Variants in ATP2B2 observed in about 807,000 individuals in gnomAD.
ATP2B2 encodes the protein ATPase plasma membrane Ca2+ transporting 2.
A neutral mutation model predicts 120.0 loss-of-function variants in ATP2B2; 15 were observed. The observed-to-expected ratio is 0.12, with a 90% CI of 0.08 to 0.19. The LOEUF is 0.19. ATP2B2 is among the 10% of genes least tolerant of loss of function. The pLI, the probability that ATP2B2 is intolerant of heterozygous loss-of-function variation, is 1.00. For synonymous variants in ATP2B2, 694 were observed against 700.3 expected, an observed-to-expected ratio of 0.99 and a Z score of 0.14; for missense variants, 1,045 against 1,719.8, an observed-to-expected ratio of 0.61 and a Z score of 6.94.
chr3:10,552,138 A>AC (rs2067682841), intron 2 of ATP2B2, among the ~76,000 whole-genome samples: 2 of 152,122 alleles, frequency 1.3e-5, no homozygotes, highest in South Asian at 4.2e-4. Context: ...GAGAGGGAAC[A>AC]CCCTTCCCAC....
chr3:10,440,546 A>G (rs1575231127), intron 2 of ATP2B2, among the ~76,000 whole-genome samples: 1 of 152,134 alleles, frequency 6.6e-6, no homozygotes, highest in Non-Finnish European at 1.5e-5. Context: ...TTCCCTGTAC[A>G]CATCCTGGTT....
chr3:10,570,666 G>A (rs1048939809), intron 2 of ATP2B2, among the ~76,000 whole-genome samples: 11 of 152,214 alleles, frequency 7.2e-5, no homozygotes, highest in African/African-American at 2.7e-4. Context: ...TCTTGGTGGA[G>A]AGAGTTACAT....
In ATP2B2 at chr3:10,385,296, T is replaced by TGCAGCATTTGAAGCTGCC; in HGVS notation, c.954_971dup (p.Ala319_Ala324dup). 1 of 1,613,970 alleles carries TGCAGCATTTGAAGCTGCC rather than the reference T, an allele frequency of 6.2e-7. No individual in the cohort carries two copies. Among genetic ancestry groups the TGCAGCATTTGAAGCTGCC allele is most frequent in the South Asian group, 1.1e-5 (1 of 91,064 alleles). ...TGACTAGGCTGGCATTCGCACTATCTGCAGCATTTGAAGCTGCCGCACCGT... is the reference window on the plus strand; with the variant it reads ...TGACTAGGCTGGCATTCGCACTATCTGCAGCATTTGAAGCTGCCGCAGCATTTGAAGCTGCCGCACCGT... On this transcript the variant is annotated inframe_insertion, in exon 8 of 23. Transcript: ENST00000360273.
intron 2 of ATP2B2, among the ~76,000 whole-genome samples, chr3:10,615,933 G>T (rs1303758553): frequency 1.3e-5 from 2 of 152,076 alleles, no homozygotes; most frequent in Non-Finnish European, 2.9e-5. Flanking sequence ...TGGTTGTACT[G>T]TTGCTTCTGG....
chr3:10,548,677 C>G (rs1188735518), intron 2 of ATP2B2, among the ~76,000 whole-genome samples: 1 of 152,198 alleles, frequency 6.6e-6, no homozygotes, highest in Non-Finnish European at 1.5e-5. Context: ...GTCTCACTTC[C>G]CTACTCCCCT....
intron 1 of ATP2B2, among the ~76,000 whole-genome samples, chr3:10,646,891 G>A (rs142763264): frequency 6.6e-6 from 1 of 152,314 alleles, no homozygotes; most frequent in Non-Finnish European, 1.5e-5. Context: ...CAGAATTCAG[G>A]TTGAGGAGAC....
chr3:10,448,544 G>T (rs2063919140), intron 2 of ATP2B2, among the ~76,000 whole-genome samples: 1 of 152,092 alleles, frequency 6.6e-6, no homozygotes, highest in Non-Finnish European at 1.5e-5. Flanking sequence ...ACCCAGCTTT[G>T]GTCCCTTCCA....
In ATP2B2 at chr3:10,328,706, G is replaced by A; in HGVS notation, c.*108C>T. The A allele has an allele frequency of 8.4e-7, 1 of 1,190,078 alleles. No individual in the cohort carries two copies. Among genetic ancestry groups the A allele is most frequent in the Non-Finnish European group, 1.2e-6 (1 of 859,072 alleles). 73.7% of individuals were successfully genotyped at this position (1,190,078 alleles called of 1,614,324 possible). A position where few individuals can be genotyped will look rare whatever the true frequency, so the allele number is the denominator to read the frequency against. On this transcript the variant is annotated 3_prime_UTR_variant, in exon 23 of 23. Transcript: ENST00000360273. ...TCTCTCCAGTATTTGGTTTCCGATT[G>A]TTGCTCGTTGCTGCTTGGGTGAGTT...
chr3:10,415,079 CAAG>C (rs1441217696), intron 2 of ATP2B2, among the ~76,000 whole-genome samples: 1 of 152,174 alleles, frequency 6.6e-6, no homozygotes, highest in East Asian at 1.9e-4. Flanking sequence ...AACCAAGCCC[CAAG>C]AACACAGGTG....
chr3:10,482,963 G>A (rs2065473409), intron 1 of ATP2B2, among the ~76,000 whole-genome samples: 1 of 152,226 alleles, frequency 6.6e-6, no homozygotes, highest in African/African-American at 2.4e-5. Context: ...AACCCGTGCA[G>A]CAGGCACTGT....
intron 2 of ATP2B2, among the ~76,000 whole-genome samples, chr3:10,421,428 G>A (rs1002584007): frequency 1.3e-5 from 2 of 152,214 alleles, no homozygotes; most frequent in African/African-American, 4.8e-5. Flanking sequence ...GGTCATGAGT[G>A]CTGTGGCTGA....
intron 1 of ATP2B2, among the ~76,000 whole-genome samples, chr3:10,644,661 T>C (rs1315920412): frequency 6.6e-6 from 1 of 152,246 alleles, no homozygotes; most frequent in African/African-American, 2.4e-5. Flanking sequence ...GCATATTCCA[T>C]GATTCTATTT....
chr3:10,525,261 G>A (rs914799366), intron 3 of ATP2B2, among the ~76,000 whole-genome samples: 27 of 152,226 alleles, frequency 1.8e-4, no homozygotes, highest in African/African-American at 6.5e-4. Flanking sequence ...GCACCGACCA[G>A]CCTTTTGGTT....
chr3:10,565,151 A>G (rs1032019960), intron 2 of ATP2B2, among the ~76,000 whole-genome samples: 3 of 152,204 alleles, frequency 2.0e-5, no homozygotes, highest in Admixed American at 2.0e-4. Flanking sequence ...ACAGAATGCA[A>G]GGAACCTGGG....
At chr3:10,449,184 G>GA (rs1340335957) in intron 2 of ATP2B2, among the ~76,000 whole-genome samples, 161 bp downstream of exon 2, 8 of 152,238 alleles carry the variant, frequency 5.3e-5, no homozygotes, top group Admixed American at 1.3e-4. Context: ...CCTATCCAGA[G>GA]GGGCTGATAC....
intron 1 of ATP2B2, among the ~76,000 whole-genome samples, chr3:10,661,650 A>T (rs2070783522): frequency 6.6e-6 from 1 of 152,250 alleles, no homozygotes; most frequent in Non-Finnish European, 1.5e-5. Context: ...GGAAGAATCA[A>T]TATCGTGAAA....
At chr3:10,425,772 C>G (rs1484111246) in intron 2 of ATP2B2, among the ~76,000 whole-genome samples, 1 of 152,210 alleles carries the variant, frequency 6.6e-6, no homozygotes, top group Admixed American at 6.5e-5. Flanking sequence ...GTCCAGGCCA[C>G]CATCCTTGCT....
At chr3:10,451,615 A>G (rs1250654653) in intron 1 of ATP2B2, among the ~76,000 whole-genome samples, 1 of 152,188 alleles carries the variant, frequency 6.6e-6, no homozygotes, top group Non-Finnish European at 1.5e-5. Context: ...TAGGAAGATT[A>G]TTTTTACACT....
At chr3:10,560,669 C>A (rs1378462564) in intron 2 of ATP2B2, among the ~76,000 whole-genome samples, 1 of 152,188 alleles carries the variant, frequency 6.6e-6, no homozygotes, top group African/African-American at 2.4e-5. Context: ...TTTGCCAGCT[C>A]GCCATCCGCC....
Sources: allele counts gnomAD v4.1 joint callset (sites outside exome capture counted in the v4.1 genomes callset), GRCh38; gene constraint gnomAD v4.1.1; transcripts MANE v1.5; gene names NCBI Gene and HGNC (gene_info 2026-07-23, HGNC 2026-07-21).